Variants in DPYSL2 observed in about 807,000 individuals in gnomAD.
DPYSL2 encodes dihydropyrimidinase like 2.
A neutral mutation model predicts 69.9 loss-of-function variants in DPYSL2; 13 were observed. That is an observed-to-expected ratio of 0.19 (90% CI 0.12 to 0.30). The LOEUF is 0.30. DPYSL2 is among the 10% of genes least tolerant of loss of function. The probability of loss-of-function intolerance (pLI) is 1.00; values close to 1 mark genes in which losing one functional copy is unlikely to be tolerated. For missense variants in DPYSL2, 587 were observed against 918.9 expected (o/e 0.64, Z 4.67); for synonymous variants, 326 against 359.1 (o/e 0.91, Z 1.04).
rs117762445 is a variant in DPYSL2 at position 26,535,054 on chromosome 8, A to T, written c.354+20375A>T. Among the ~76,000 whole-genome samples the T allele has an allele frequency of 9.2e-5, 14 of 152,296 alleles. No individual in the cohort carries two copies. The East Asian group carries it at 2.5e-3, about 27-fold the overall frequency. On this transcript the variant is annotated intron_variant, in intron 1 of 13. Coordinates refer to ENST00000521913, the MANE Select transcript of DPYSL2 (RefSeq NM_001197293.3). ...GTCCAAGCTGCCATAAAAAATTGTC[A>T]TAGATTGGGTGGCTTAAACAACAAA...
At chr8:26,607,875 C>G (rs1222465862) in intron 3 of DPYSL2, among the ~76,000 whole-genome samples, 1 of 151,840 alleles carries the variant, frequency 6.6e-6, no homozygotes, top group Non-Finnish European at 1.5e-5. Context: ...GTCAGGAGAT[C>G]GAGACCATCC....
Position 26,611,759 on chromosome 8 carries a change from G to A in DPYSL2, c.629-12384G>A, listed in dbSNP as rs544139069. Among the ~76,000 whole-genome samples, 10 of 152,292 alleles carry A rather than the reference G, an allele frequency of 6.6e-5. No individual in the cohort carries two copies. In the East Asian group the frequency reaches 1.2e-3, roughly 18 times the overall value. ...CCACGATTTCGTCATCCTGCTTTAC[G>A]GATGGCATTTCCTATTAAGTGTCTG... On this transcript the variant is annotated intron_variant, in intron 3 of 13. Coordinates refer to ENST00000521913, the MANE Select transcript of DPYSL2 (RefSeq NM_001197293.3).
intron 1 of DPYSL2, chr8:26,547,790 C>G (rs987567881): frequency 1.7e-5 from 6 of 349,716 alleles, no homozygotes; most frequent in Non-Finnish European, 3.0e-5. Flanking sequence ...TTCCAGGAGG[C>G]TGAGGAATTC....
rs1325982379 is a variant in DPYSL2, at chr8:26,614,394, A to G, written c.629-9749A>G. On this transcript the variant is annotated intron_variant, in intron 3 of 13. Coordinates refer to ENST00000521913, the MANE Select transcript of DPYSL2 (RefSeq NM_001197293.3). This position sits in a 1 kb window ranked among gnomAD's most constrained non-coding sequence, Gnocchi z 4.9. The stretch of plus-strand genomic sequence containing the variant: ...CAGCTCCCTCCATAGCTCGATGAGA[A>G]GAGAGGGGTGGGGACAGGCGGTAGC... Among the ~76,000 whole-genome samples, 1 of 152,116 alleles carries G rather than the reference A, an allele frequency of 6.6e-6. No homozygotes were observed. The highest frequency in any genetic ancestry group is 6.5e-5 in the Admixed American group (1 of 15,280).
chr8:26,634,391 A>G (rs1463655600), intron 7 of DPYSL2, among the ~76,000 whole-genome samples: 1 of 148,168 alleles, frequency 6.7e-6, no homozygotes, highest in African/African-American at 2.5e-5. Flanking sequence ...TATACTCCCA[A>G]GTAGCTGGGA....
chr8:26,632,094 G>A (rs1365580921), intron 7 of DPYSL2, among the ~76,000 whole-genome samples: 1 of 152,114 alleles, frequency 6.6e-6, no homozygotes, highest in African/African-American at 2.4e-5. Flanking sequence ...TAACCCACTA[G>A]GCCTTTCTTC....
At chr8:26,572,123 G>A (rs1451202095) in intron 1 of DPYSL2, among the ~76,000 whole-genome samples, 1 of 152,210 alleles carries the variant, frequency 6.6e-6, no homozygotes, top group African/African-American at 2.4e-5. Flanking sequence ...GCTCTGTTTT[G>A]TCAGCAGTTT....
At chr8:26,583,777 A>T in intron 2 of DPYSL2, 22 bp from the exon 3 acceptor site, 2 of 1,595,970 alleles carry the variant, frequency 1.3e-6, no homozygotes, top group East Asian at 4.5e-5. Context: ...TACAACCCTT[A>T]TCACCAACCC....
chr8:26,634,188 C>T (rs556483725), intron 7 of DPYSL2, among the ~76,000 whole-genome samples: 1 of 152,370 alleles, frequency 6.6e-6, no homozygotes, highest in African/African-American at 2.4e-5. Context: ...AGAAAATCTG[C>T]ATTTCTTACA....
chr8:26,647,936 C>A lies in DPYSL2; in HGVS notation c.1596+136C>A. ...GCTCGACTGAGGATGTTATGATTTG[C>A]AATTTGCTGGGAAAAGAATAGTTAT... On this transcript the variant is annotated intron_variant, in intron 11 of 13. Coordinates refer to ENST00000521913, the MANE Select transcript of DPYSL2 (RefSeq NM_001197293.3). This position sits in a 1 kb window ranked among gnomAD's most constrained non-coding sequence, Gnocchi z 5.1. 1 of 1,039,300 alleles carries A rather than the reference C, an allele frequency of 9.6e-7. No homozygotes were observed. The highest frequency in any genetic ancestry group is 1.4e-6 in the Non-Finnish European group (1 of 733,618). The allele number at this position is 1,039,300 out of a possible 1,614,324, so 64.4% of individuals were successfully genotyped here. A position where few individuals can be genotyped will look rare whatever the true frequency, so the allele number is the denominator to read the frequency against.
In DPYSL2 at chr8:26,650,653, AG is replaced by A. The variant is rs1803262811; in HGVS notation, c.1597-1602del. 6.6e-6 allele frequency among the ~76,000 whole-genome samples: 1 copy of A among 152,226 alleles called. No homozygotes were observed. The highest frequency in any genetic ancestry group is 2.4e-5 in the African/African-American group (1 of 41,462). The stretch of plus-strand genomic sequence containing the variant: ...GATGAAAGAAAACATGCCCAAGACG[AG>A]GAGTCTCATAGGAGACTGGGCCACC... On this transcript the variant is annotated intron_variant, in intron 11 of 13. Transcript: ENST00000521913. This position sits in a 1 kb window ranked among gnomAD's most constrained non-coding sequence, Gnocchi z 5.3.
At chr8:26,577,858 C>T in intron 1 of DPYSL2, 2 of 1,084,508 alleles carry the variant, frequency 1.8e-6, no homozygotes, top group Non-Finnish European at 2.2e-6. Context: ...CTGCTCGTCT[C>T]TCTCGAAGCG....
chr8:26,622,147 T>TTCCTTCCG (rs1802502640), intron 3 of DPYSL2, among the ~76,000 whole-genome samples: 3 of 49,634 alleles, frequency 6.0e-5, no homozygotes, highest in Non-Finnish European at 1.5e-4. Context: ...CCTTCCTTCC[T>TTCCTTCCG]TCCTTCCTTC....
intron 1 of DPYSL2, among the ~76,000 whole-genome samples, chr8:26,545,779 T>A (rs974697640): frequency 1.6e-4 from 24 of 145,520 alleles, no homozygotes; most frequent in South Asian, 4.5e-4. Flanking sequence ...AAAAAAAAAA[T>A]AATCTCAGCA....
chr8:26,595,828 C>T (rs1801848287), intron 3 of DPYSL2, among the ~76,000 whole-genome samples: 1 of 152,124 alleles, frequency 6.6e-6, no homozygotes, highest in East Asian at 1.9e-4. Flanking sequence ...TAGTGTCAAA[C>T]CAAGGGATAG....
rs560243861 is a variant in DPYSL2, at chr8:26,514,694, T to A, written c.354+15T>A. The A allele has an allele frequency of 0.012, 8,714 of 703,298 alleles. 36 individuals carry two copies. Among genetic ancestry groups the A allele is most frequent in the South Asian group, 0.029 (784 of 27,180 alleles). 43.6% of individuals were successfully genotyped at this position (703,298 alleles called of 1,614,324 possible). A position where few individuals can be genotyped will look rare whatever the true frequency, so the allele number is the denominator to read the frequency against. On this transcript the variant is annotated intron_variant, in intron 1 of 13. Coordinates refer to ENST00000521913, the MANE Select transcript of DPYSL2 (RefSeq NM_001197293.3). This position sits in a 1 kb window ranked among gnomAD's most constrained non-coding sequence, Gnocchi z 8.4. ...TCAACGACCAGGTCGGTGTGGGGGT[T>A]GGGGGTGGAGACGGAGGACGGGGCG...
intron 1 of DPYSL2, among the ~76,000 whole-genome samples, chr8:26,527,803 C>CCTT (rs1220225293): frequency 3.1e-5 from 3 of 96,670 alleles, no homozygotes; most frequent in Admixed American, 2.8e-4. Context: ...ATTTGTTTAT[C>CCTT]CTTTTTTTTT....
At chr8:26,563,485 T>G (rs1160393633) in intron 1 of DPYSL2, among the ~76,000 whole-genome samples, 1 of 152,218 alleles carries the variant, frequency 6.6e-6, no homozygotes, top group Non-Finnish European at 1.5e-5. Flanking sequence ...CACGTTCTGC[T>G]ACTTCCTCCA....
chr8:26,633,328 C>G (rs1802824245), intron 7 of DPYSL2, among the ~76,000 whole-genome samples: 1 of 152,144 alleles, frequency 6.6e-6, no homozygotes, highest in Admixed American at 6.5e-5. Flanking sequence ...CTGAGATCTG[C>G]CTTCCACAAT....
Sources: allele counts gnomAD v4.1 joint callset (sites outside exome capture counted in the v4.1 genomes callset), GRCh38; gene constraint gnomAD v4.1.1; non-coding constraint Gnocchi (gnomAD v3.1); transcripts MANE v1.5; gene names NCBI Gene and HGNC (gene_info 2026-07-23, HGNC 2026-07-21).